GALNT16: variants seen among roughly 807,000 people sequenced by gnomAD.
The protein encoded by GALNT16 is polypeptide N-acetylgalactosaminyltransferase 16.
GALNT16 carries 40 observed loss-of-function variants against 76.1 expected under a neutral mutation model. The observed-to-expected ratio is 0.53, with a 90% CI of 0.41 to 0.68. The LOEUF (loss-of-function observed/expected upper bound fraction) is 0.68, where lower values mean the gene tolerates loss of function less well. Ranked by LOEUF, GALNT16 falls within the 30% of genes least tolerant of loss-of-function variation. The pLI is 0.00. For synonymous variants in GALNT16, 276 were observed against 285.2 expected, an observed-to-expected ratio of 0.97 and a Z score of 0.32; for missense variants, 621 against 731.9, an observed-to-expected ratio of 0.85 and a Z score of 1.75.
chr14:69,326,224 T>C (rs565577829), intron 5 of GALNT16, among the ~76,000 whole-genome samples, 197 bp downstream of exon 5: 1 of 152,298 alleles, frequency 6.6e-6, no homozygotes, highest in Non-Finnish European at 1.5e-5. Flanking sequence ...GGCAAGTTGC[T>C]CCATCTCTGA....
intron 9 of GALNT16, among the ~76,000 whole-genome samples, chr14:69,335,769 G>C (rs1261659387): frequency 2.0e-5 from 3 of 152,178 alleles, no homozygotes; most frequent in Non-Finnish European, 4.4e-5. Context: ...GTGGGTTTGA[G>C]CCTTTCCTTT....
intron 1 of GALNT16, among the ~76,000 whole-genome samples, chr14:69,300,453 G>A (rs1340367767): frequency 3.3e-5 from 5 of 152,288 alleles, no homozygotes; most frequent in Non-Finnish European, 5.9e-5. Flanking sequence ...TCTAAGAGCC[G>A]TTACCCTCTA....
downstream of GALNT16, among the ~76,000 whole-genome samples, chr14:69,361,237 G>A (rs1332232771): frequency 6.6e-6 from 1 of 152,188 alleles, no homozygotes; most frequent in African/African-American, 2.4e-5. Context: ...TCCATTCAAT[G>A]ACATTTATAA....
intron 10 of GALNT16, 43 bp downstream of exon 10, chr14:69,338,820 C>G: frequency 6.6e-7 from 1 of 1,510,160 alleles, no homozygotes; most frequent in Non-Finnish European, 9.1e-7. Context: ...AGGAGGACAC[C>G]AAGGCCCAAG....
Position 69,321,007 on chromosome 14 carries a change from C to A in GALNT16, c.335+139C>A, listed in dbSNP as rs879614276. 32 of 909,952 alleles carry A rather than the reference C, an allele frequency of 3.5e-5. No homozygotes were observed. The East Asian group carries it at 8.8e-4, about 25-fold the overall frequency. 56.4% of individuals were successfully genotyped at this position (909,952 alleles called of 1,614,324 possible). On this transcript the variant is annotated intron_variant, in intron 2 of 14. Coordinates refer to ENST00000448469, the MANE Select transcript of GALNT16 (RefSeq NM_001168368.2). ...TCCAGTGATTTAGACATTCAAAAAC[C>A]CTCACCCTCTGTTGCTGGTTTACCT...
In GALNT16 at chr14:69,347,979, T is replaced by G; in HGVS notation, c.1516T>G (p.Cys506Gly). 5.6e-6 allele frequency: 9 copies of G among 1,614,088 alleles called. No individual in the cohort carries two copies. Among genetic ancestry groups the G allele is most frequent in the Non-Finnish European group, 7.6e-6 (9 of 1,180,022 alleles). ...SPGSPVILQM[C>G]NPREGKQKWR... ...TGGATCCCCAGTCATACTGCAGATG[T>G]GCAACCCTAGAGAAGGCAAGCAGGT... Residue 506 changes from cysteine (C) to glycine (G), a missense_variant, in exon 14 of 15, where the codon TGC (cysteine) becomes GGC (glycine). Physicochemically the swap from Cys to Gly is radical, Grantham distance 159 (BLOSUM62 -3). Coordinates refer to ENST00000448469, the MANE Select transcript of GALNT16 (RefSeq NM_001168368.2).
intron 12 of GALNT16, among the ~76,000 whole-genome samples, chr14:69,343,928 G>A (rs2045527353): frequency 6.6e-6 from 1 of 152,248 alleles, no homozygotes; most frequent in Admixed American, 6.5e-5. Flanking sequence ...TTCTGCCACT[G>A]TGTGAAAGTT....
the GALNT16 span, among the ~76,000 whole-genome samples, chr14:69,377,835 A>AAAAAT: frequency 8.0e-6 from 1 of 125,150 alleles, no homozygotes; most frequent in African/African-American, 3.2e-5. Context: ...AAAAAAAAAA[A>AAAAAT]GAACATGAAC....
chr14:69,282,049 C>T (rs954437212), intron 1 of GALNT16, among the ~76,000 whole-genome samples: 7 of 152,226 alleles, frequency 4.6e-5, no homozygotes, highest in Non-Finnish European at 8.8e-5. Flanking sequence ...CTATGAGAAA[C>T]GTCAGCCTTG....
intron 1 of GALNT16, among the ~76,000 whole-genome samples, chr14:69,302,774 T>G (rs577566438): frequency 6.6e-6 from 1 of 152,292 alleles, no homozygotes; most frequent in South Asian, 2.1e-4. Flanking sequence ...ATGAATAAAT[T>G]TTTAGTATAA....
intron 1 of GALNT16, among the ~76,000 whole-genome samples, chr14:69,317,627 C>A (rs890249964): frequency 2.0e-5 from 3 of 152,204 alleles, no homozygotes; most frequent in African/African-American, 7.2e-5. Flanking sequence ...ATACACAGGG[C>A]AGACATTGAA....
chr14:69,331,917 G>T (rs546606615), intron 7 of GALNT16, among the ~76,000 whole-genome samples: 1 of 152,356 alleles, frequency 6.6e-6, no homozygotes, highest in African/African-American at 2.4e-5. Context: ...GGAGTAGGGA[G>T]CCCTCAGCCT....
chr14:69,287,440 A>T (rs1357887701), intron 1 of GALNT16, among the ~76,000 whole-genome samples: 1 of 152,160 alleles, frequency 6.6e-6, no homozygotes, highest in African/African-American at 2.4e-5. Context: ...ACGTTTGGGT[A>T]ATCTTTCTTT....
rs148977648 is a variant in GALNT16, at chr14:69,320,507, G to A, written c.178-204G>A. On this transcript the variant is annotated intron_variant, in intron 1 of 14. Transcript: ENST00000448469. ...TGTGTCAAAAAAAAGAAAAAAAAAA[G>A]AAAAAAAGAAAAAAAAAGAAACCCT... 4.0e-5 allele frequency among the ~76,000 whole-genome samples: 6 copies of A among 148,248 alleles called. No homozygotes were observed. The Admixed American group carries it at 4.0e-4, about 10-fold the overall frequency.
intron 1 of GALNT16, among the ~76,000 whole-genome samples, chr14:69,297,965 C>A (rs1280290327): frequency 6.6e-6 from 1 of 152,216 alleles, no homozygotes; most frequent in Non-Finnish European, 1.5e-5. Context: ...GTACTCACCC[C>A]TATTTTACAG....
rs138542944 is a variant in GALNT16, at chr14:69,317,271, A to G, written c.178-3440A>G. ...ATGGAATGCAGGCTAGCAGCAGCAC[A>G]GTTCCCCTTTAGAAGAGGGGAGGAG... On this transcript the variant is annotated intron_variant, in intron 1 of 14. Coordinates refer to ENST00000448469, the MANE Select transcript of GALNT16 (RefSeq NM_001168368.2). Among the ~76,000 whole-genome samples, 286 of 152,346 alleles carry G rather than the reference A, an allele frequency of 1.9e-3. 1 individual carries two copies. The highest frequency in any genetic ancestry group is 6.4e-3 in the African/African-American group (268 of 41,582).
At chr14:69,380,525 GCTTC>G in the GALNT16 span, 2 of 1,274,722 alleles carry the variant, frequency 1.6e-6, no homozygotes, top group South Asian at 1.2e-5. Context: ...CCCCCCCAGT[GCTTC>G]CAACACAATT....
At chr14:69,341,831 G>C in intron 12 of GALNT16, 67 bp downstream of exon 12, 1 of 992,074 alleles carries the variant, frequency 1.0e-6, no homozygotes, top group Non-Finnish European at 1.6e-6. Context: ...AGCGGCTTTG[G>C]TCCCACCCCA....
chr14:69,318,400 G>A (rs1393280659), intron 1 of GALNT16, among the ~76,000 whole-genome samples: 1 of 152,236 alleles, frequency 6.6e-6, no homozygotes, highest in Non-Finnish European at 1.5e-5. Flanking sequence ...AAGGCAGCAG[G>A]CTGGGGCAGG....
Sources: gnomAD v4.1 joint callset for allele counts (sites outside exome capture counted in the v4.1 genomes callset) on GRCh38, gnomAD v4.1.1 for gene constraint, MANE v1.5 for transcripts, NCBI Gene and HGNC (gene_info 2026-07-23, HGNC 2026-07-21) for gene names.